DLGAP1: variants seen among roughly 807,000 people sequenced by gnomAD.
DLGAP1 encodes disks large-associated protein 1.
Under a neutral mutation model 90.8 loss-of-function variants are expected in DLGAP1, and 11 were observed. That is an observed-to-expected ratio of 0.12 (90% CI 0.08 to 0.20). DLGAP1 has a LOEUF of 0.20. DLGAP1 is among the 10% of genes least tolerant of loss of function. The probability of loss-of-function intolerance (pLI) is 1.00; values close to 1 mark genes in which losing one functional copy is unlikely to be tolerated. For missense variants in DLGAP1, 1,050 were observed against 1,333.8 expected (o/e 0.79, Z 3.31); for synonymous variants, 558 against 540.7 (o/e 1.03, Z -0.44).
At chr18:4,339,910 G>A (rs891030375) in intron 1 of DLGAP1, among the ~76,000 whole-genome samples, 1 of 152,174 alleles carries the variant, frequency 6.6e-6, no homozygotes, top group Middle Eastern at 3.4e-3. Context: ...TTTAAGTTTG[G>A]AATTCTTTAA....
At chr18:4,325,229 A>G (rs575416132) in intron 1 of DLGAP1, among the ~76,000 whole-genome samples, 1 of 152,320 alleles carries the variant, frequency 6.6e-6, no homozygotes, top group South Asian at 2.1e-4. Flanking sequence ...CCAAGCTGAG[A>G]GCCAAATCAG....
chr18:4,271,661 T>C (rs2079284892), intron 1 of DLGAP1, among the ~76,000 whole-genome samples: 1 of 152,226 alleles, frequency 6.6e-6, no homozygotes, highest in Non-Finnish European at 1.5e-5. Flanking sequence ...GTAATATTTC[T>C]ACTCCTCCAC....
intron 9 of DLGAP1, among the ~76,000 whole-genome samples, chr18:3,555,072 T>C (rs1418336579): frequency 6.6e-6 from 1 of 152,178 alleles, no homozygotes; most frequent in Non-Finnish European, 1.5e-5. Flanking sequence ...TCAGCTGTCA[T>C]TAAGTAATCC....
chr18:4,406,294 C>G (rs1017139659), intron 1 of DLGAP1, among the ~76,000 whole-genome samples: 1 of 152,264 alleles, frequency 6.6e-6, no homozygotes. Context: ...TTTGCAAAGG[C>G]AGTAACCCCT....
At chr18:4,031,604 G>A (rs1305053963) in intron 2 of DLGAP1, among the ~76,000 whole-genome samples, 2 of 152,162 alleles carry the variant, frequency 1.3e-5, no homozygotes, top group African/African-American at 4.8e-5. Context: ...CCACAGGGGT[G>A]GCTGGGTAGT....
At chr18:4,345,729 C>T (rs568265001) in intron 1 of DLGAP1, among the ~76,000 whole-genome samples, 10 of 152,182 alleles carry the variant, frequency 6.6e-5, no homozygotes, top group African/African-American at 1.4e-4. Flanking sequence ...ACACCTCAAT[C>T]GATGTTCAAT....
intron 1 of DLGAP1, among the ~76,000 whole-genome samples, chr18:4,208,329 A>G (rs915537901): frequency 2.0e-5 from 3 of 152,244 alleles, no homozygotes; most frequent in African/African-American, 7.2e-5. Context: ...CAAATTTGAT[A>G]CACAATATAC....
chr18:4,403,570 C>A (rs889378779), intron 1 of DLGAP1, among the ~76,000 whole-genome samples: 1 of 152,050 alleles, frequency 6.6e-6, no homozygotes, highest in Non-Finnish European at 1.5e-5. Context: ...AAGTTTCCCT[C>A]CCCCATTGAT....
intron 7 of DLGAP1, among the ~76,000 whole-genome samples, chr18:3,691,513 T>C (rs2060897343): frequency 6.6e-6 from 1 of 152,102 alleles, no homozygotes; most frequent in Non-Finnish European, 1.5e-5. Context: ...ATCTTTACAT[T>C]TATGGGCCTG....
At chr18:3,680,150 C>T (rs2060459678) in intron 7 of DLGAP1, 1 of 152,254 alleles carries the variant, frequency 6.6e-6, no homozygotes, top group Non-Finnish European at 1.5e-5. Flanking sequence ...TGGTGATAGG[C>T]CAGTAGGTGA....
At chr18:4,042,632 C>T (rs543862713) in intron 2 of DLGAP1, among the ~76,000 whole-genome samples, 4 of 152,180 alleles carry the variant, frequency 2.6e-5, no homozygotes, top group African/African-American at 7.2e-5. Flanking sequence ...CCTAGCTGTT[C>T]GGGAGGCTGA....
chr18:3,954,791 A>G (rs1173138488), intron 3 of DLGAP1, among the ~76,000 whole-genome samples: 3 of 152,232 alleles, frequency 2.0e-5, no homozygotes, highest in Non-Finnish European at 4.4e-5. Flanking sequence ...CAGACAAAAC[A>G]TATGATATAA....
chr18:3,812,651 A>G (rs1448953762), intron 5 of DLGAP1, among the ~76,000 whole-genome samples: 1 of 152,228 alleles, frequency 6.6e-6, no homozygotes, highest in Non-Finnish European at 1.5e-5. Flanking sequence ...ATGCACTGGT[A>G]TTAATTTTTG....
intron 2 of DLGAP1, among the ~76,000 whole-genome samples, chr18:4,104,197 A>G (rs1355541234): frequency 6.6e-6 from 1 of 152,032 alleles, no homozygotes; most frequent in Non-Finnish European, 1.5e-5. Flanking sequence ...TCTGAATTTC[A>G]TGCTTATTTT....
chr18:3,975,486 T>G (rs1236778321), intron 3 of DLGAP1, among the ~76,000 whole-genome samples: 1 of 152,168 alleles, frequency 6.6e-6, no homozygotes, highest in Non-Finnish European at 1.5e-5. Flanking sequence ...TTGGAACCCT[T>G]GAACGCACTC....
rs557317410 is a variant in DLGAP1, at chr18:4,396,255, G to A, written c.-267+58751C>T. On this transcript the variant is annotated intron_variant, in intron 1 of 12. Coordinates refer to ENST00000315677, the MANE Select transcript of DLGAP1 (RefSeq NM_004746.4). ...CCACATCCAAAGGATGTTCAACAAA[G>A]ACACAAAGACCATGATTCCAAAAGG... Among the ~76,000 whole-genome samples the A allele has an allele frequency of 6.6e-5, 10 of 152,208 alleles. No individual in the cohort carries two copies. The South Asian group carries it at 1.9e-3, about 28-fold the overall frequency.
rs1245986910 is a variant in DLGAP1, at chr18:3,711,635, C to T, written c.1591+17500G>A. The stretch of plus-strand genomic sequence containing the variant: ...AGGAGGATCACTTGAGCCCAGGAGT[C>T]TGAGACCAGCCTGGGCAACACAGCA... On this transcript the variant is annotated intron_variant, in intron 7 of 12. Coordinates refer to ENST00000315677, the MANE Select transcript of DLGAP1 (RefSeq NM_004746.4). The surrounding 1 kb of genome is among the most constrained non-coding windows in gnomAD (Gnocchi z 4.0). 2.6e-5 allele frequency among the ~76,000 whole-genome samples: 4 copies of T among 152,026 alleles called. No homozygotes were observed. The highest frequency in any genetic ancestry group is 9.7e-5 in the African/African-American group (4 of 41,388).
chr18:4,202,939 C>G (rs2077634797), intron 1 of DLGAP1, among the ~76,000 whole-genome samples: 1 of 152,072 alleles, frequency 6.6e-6, no homozygotes, highest in Admixed American at 6.6e-5. Context: ...TAAACACAGG[C>G]AGATTTTCTC....
At chr18:4,373,677 G>A (rs1190840544) in intron 1 of DLGAP1, among the ~76,000 whole-genome samples, 1 of 152,020 alleles carries the variant, frequency 6.6e-6, no homozygotes, top group East Asian at 1.9e-4. Flanking sequence ...ACACACTCTG[G>A]AATTTTCAGT....
Sources: allele counts gnomAD v4.1 joint callset (sites outside exome capture counted in the v4.1 genomes callset), GRCh38; gene constraint gnomAD v4.1.1; non-coding constraint Gnocchi (gnomAD v3.1); transcripts MANE v1.5; gene names NCBI Gene and HGNC (gene_info 2026-07-23, HGNC 2026-07-21).